The following SLCO3A1 variants were observed in gnomAD, a reference collection of about 807,000 sequenced individuals.
SLCO3A1 encodes PGE1 transporter.
A neutral mutation model predicts 63.1 loss-of-function variants in SLCO3A1; 27 were observed. The observed-to-expected ratio is 0.43, with a 90% CI of 0.32 to 0.59. SLCO3A1 has a LOEUF of 0.59. Ranked by LOEUF, SLCO3A1 falls within the 20% of genes least tolerant of loss-of-function variation. The probability of loss-of-function intolerance (pLI) is 0.09; values close to 1 mark genes in which losing one functional copy is unlikely to be tolerated. For missense variants in SLCO3A1, 773 were observed against 945.8 expected (o/e 0.82, Z 2.40); for synonymous variants, 473 against 409.9 (o/e 1.15, Z -1.86).
Position 91,894,310 on chromosome 15 carries a change from G to A in SLCO3A1, c.181-21683G>A, listed in dbSNP as rs1173468115. On this transcript the variant is annotated intron_variant, in intron 1 of 9. Transcript: ENST00000318445. This position sits in a 1 kb window ranked among gnomAD's most constrained non-coding sequence, Gnocchi z 4.8. Reference sequence around the variant, plus strand: ...GTTAGGATTTTATTCCAGGCCCATGGGGAGCCATTGGAAAATACTGAGTAA... The same window carrying A: ...GTTAGGATTTTATTCCAGGCCCATGAGGAGCCATTGGAAAATACTGAGTAA... Among the ~76,000 whole-genome samples, 2 of 152,140 alleles carry A rather than the reference G, an allele frequency of 1.3e-5. No homozygotes were observed. The highest frequency in any genetic ancestry group is 1.5e-5 in the Non-Finnish European group (1 of 68,020).
rs917502158 is a variant in SLCO3A1 at position 91,856,379 on chromosome 15, A to G, written c.180+2291A>G. 2.6e-5 allele frequency among the ~76,000 whole-genome samples: 4 copies of G among 152,182 alleles called. No homozygotes were observed. Among genetic ancestry groups the G allele is most frequent in the Non-Finnish European group, 5.9e-5 (4 of 68,026 alleles). On this transcript the variant is annotated intron_variant, in intron 1 of 9. Coordinates refer to ENST00000318445, the MANE Select transcript of SLCO3A1 (RefSeq NM_013272.4). The surrounding 1 kb of genome is among the most constrained non-coding windows in gnomAD (Gnocchi z 4.9). The stretch of plus-strand genomic sequence containing the variant: ...CGGCTGCCCTCGTCTTTGCCTTGCC[A>G]TCGGAGCCTCATGAAAATAAATAGT...
rs138450248 is a variant in SLCO3A1, at chr15:92,020,633, G to A, written c.647-74248G>A. ...AGGAGGATGGATAGACAGTAAGAGG[G>A]ATGGCACCGTGCATGCACCACCCAG... On this transcript the variant is annotated intron_variant, in intron 2 of 9. Coordinates refer to ENST00000318445, the MANE Select transcript of SLCO3A1 (RefSeq NM_013272.4). 2.6e-3 allele frequency among the ~76,000 whole-genome samples: 403 copies of A among 152,306 alleles called. 1 individual carries two copies. The highest frequency in any genetic ancestry group is 9.1e-3 in the African/African-American group (380 of 41,568).
chr15:91,960,895 C>T, intron 2 of SLCO3A1, among the ~76,000 whole-genome samples: 1 of 152,180 alleles, frequency 6.6e-6, no homozygotes, highest in East Asian at 1.9e-4. Flanking sequence ...CATGTCAGCA[C>T]TCAAAAGGAT....
chr15:91,975,667 C>T (rs1597178164), intron 2 of SLCO3A1, among the ~76,000 whole-genome samples: 2 of 152,372 alleles, frequency 1.3e-5, no homozygotes, highest in East Asian at 3.9e-4. Flanking sequence ...ACCTTCCTCT[C>T]AGCCTGTCAG....
intron 2 of SLCO3A1, among the ~76,000 whole-genome samples, chr15:92,016,811 T>C (rs181123558): frequency 6.6e-6 from 1 of 151,996 alleles, no homozygotes; most frequent in East Asian, 1.9e-4. Context: ...TGGGGGAGGA[T>C]GGAAGATGAA....
At chr15:92,002,094 G>T (rs532394710) in intron 2 of SLCO3A1, among the ~76,000 whole-genome samples, 23 of 152,218 alleles carry the variant, frequency 1.5e-4, no homozygotes, top group Non-Finnish European at 3.1e-4. Flanking sequence ...TCCATATTGA[G>T]CCCTTAGCTG....
chr15:92,002,023 C>G (rs1229399262), intron 2 of SLCO3A1, among the ~76,000 whole-genome samples: 4 of 152,022 alleles, frequency 2.6e-5, no homozygotes, highest in African/African-American at 9.7e-5. Context: ...TTTCATATTG[C>G]TCTTCTAAGA....
At chr15:92,009,018 A>C (rs1354996889) in intron 2 of SLCO3A1, among the ~76,000 whole-genome samples, 1 of 152,204 alleles carries the variant, frequency 6.6e-6, no homozygotes, top group Non-Finnish European at 1.5e-5. Flanking sequence ...AATGAAAAAT[A>C]TATTACTTCT....
Position 92,137,563 on chromosome 15 carries a change from T to G in SLCO3A1, c.1512+9074T>G, listed in dbSNP as rs1370131591. 2.8e-5 allele frequency among the ~76,000 whole-genome samples: 3 copies of G among 107,532 alleles called. 1 individual carries two copies. Among genetic ancestry groups the G allele is most frequent in the East Asian group, 2.7e-4 (1 of 3,702 alleles). 70.5% of individuals were successfully genotyped at this position (107,532 alleles called of 152,430 possible). On this transcript the variant is annotated intron_variant, in intron 7 of 9. Transcript: ENST00000318445. ...GGAATTGCCACACTGACTTCCACAA[T>G]GGTTGAACTAGTTCACAGTCCCACC... is the stretch of plus-strand genomic sequence containing the variant.
chr15:92,042,860 C>A (rs2151488973), intron 2 of SLCO3A1, among the ~76,000 whole-genome samples: 1 of 152,180 alleles, frequency 6.6e-6, no homozygotes, highest in East Asian at 1.9e-4. Flanking sequence ...CAGTTTCCAC[C>A]CCTAGGGTGT....
chr15:91,960,864 A>G (rs559987651), intron 2 of SLCO3A1, among the ~76,000 whole-genome samples: 12 of 152,208 alleles, frequency 7.9e-5, no homozygotes, highest in Non-Finnish European at 1.6e-4. Context: ...AAATGTTCCA[A>G]TGAGCATTTC....
rs201532833 is a variant in SLCO3A1, at chr15:91,894,623, G to A, written c.181-21370G>A. On this transcript the variant is annotated intron_variant, in intron 1 of 9. Transcript: ENST00000318445. The surrounding 1 kb of genome is among the most constrained non-coding windows in gnomAD (Gnocchi z 4.8). ...GTGGGGCTGAAGACCCGTGTAGCCCGAGGCAGCATTTTTGACTTGAATGTT... is the reference window on the plus strand; with the variant it reads ...GTGGGGCTGAAGACCCGTGTAGCCCAAGGCAGCATTTTTGACTTGAATGTT... Among the ~76,000 whole-genome samples the A allele has an allele frequency of 7.9e-5, 12 of 152,292 alleles. 1 individual carries two copies. In the East Asian group the frequency reaches 2.3e-3, roughly 29 times the overall value.
chr15:91,941,305 G>GGA lies in SLCO3A1; in HGVS notation c.646+24854_646+24855dup, dbSNP rs1462264940. ...CAGGGCGGGGCTCGGCTGGGGGGTG[G>GGA]GAGAGAGACACTGAATCAGTGCATG... On this transcript the variant is annotated intron_variant, in intron 2 of 9. Coordinates refer to ENST00000318445, the MANE Select transcript of SLCO3A1 (RefSeq NM_013272.4). This position sits in a 1 kb window ranked among gnomAD's most constrained non-coding sequence, Gnocchi z 4.4. 7.4e-6 allele frequency: 2 copies of GGA among 269,280 alleles called. No homozygotes were observed. Among genetic ancestry groups the GGA allele is most frequent in the African/African-American group, 4.5e-5 (2 of 44,224 alleles). 16.7% of individuals were successfully genotyped at this position (269,280 alleles called of 1,614,324 possible). A position where few individuals can be genotyped will look rare whatever the true frequency, so the allele number is the denominator to read the frequency against.
intron 2 of SLCO3A1, among the ~76,000 whole-genome samples, chr15:92,072,953 T>C (rs2047233862): frequency 6.6e-6 from 1 of 152,148 alleles, no homozygotes; most frequent in African/African-American, 2.4e-5. Context: ...ACAAAAACCT[T>C]ACACGGGGCA....
Position 92,162,460 on chromosome 15 carries a change from A to G in SLCO3A1, c.1754-296A>G, listed in dbSNP as rs1321936336. On this transcript the variant is annotated intron_variant, in intron 9 of 9. Coordinates refer to ENST00000318445, the MANE Select transcript of SLCO3A1 (RefSeq NM_013272.4). ...CCACCATGCCAGACTGATGCTTTCT[A>G]TGTGTAAAGTTAGTCTTCACAGCCA... 1.6e-5 allele frequency: 5 copies of G among 312,514 alleles called. No homozygotes were observed. The East Asian group carries it at 3.5e-4, about 22-fold the overall frequency. 19.4% of individuals were successfully genotyped at this position (312,514 alleles called of 1,614,324 possible).
chr15:92,124,529 A>C (rs992192163), intron 5 of SLCO3A1, among the ~76,000 whole-genome samples: 5 of 152,164 alleles, frequency 3.3e-5, no homozygotes, highest in Admixed American at 1.3e-4. Flanking sequence ...ATTCATTCTG[A>C]AAATAATACT....
At chr15:91,965,211 C>A (rs76094847) in intron 2 of SLCO3A1, among the ~76,000 whole-genome samples, 2 of 152,090 alleles carry the variant, frequency 1.3e-5, no homozygotes, top group African/African-American at 4.8e-5. Context: ...TAAAGAGAAA[C>A]GCATATGCAG....
chr15:91,939,148 T>A (rs1899524446), intron 2 of SLCO3A1, among the ~76,000 whole-genome samples: 1 of 152,132 alleles, frequency 6.6e-6, no homozygotes, highest in Non-Finnish European at 1.5e-5. Context: ...CATCTGCTTC[T>A]GGGGAGGCCT....
intron 1 of SLCO3A1, among the ~76,000 whole-genome samples, chr15:91,915,052 G>A (rs1489768219): frequency 6.6e-6 from 1 of 152,140 alleles, no homozygotes; most frequent in African/African-American, 2.4e-5. Flanking sequence ...GCAGCAGAGG[G>A]TAGCCATCTC....
Sources: gnomAD v4.1 joint callset for allele counts (sites outside exome capture counted in the v4.1 genomes callset) on GRCh38, gnomAD v4.1.1 for gene constraint, Gnocchi (gnomAD v3.1) non-coding constraint, MANE v1.5 for transcripts, NCBI Gene and HGNC (gene_info 2026-07-23, HGNC 2026-07-21) for gene names.